FKTN: variants seen among roughly 807,000 people sequenced by gnomAD.
FKTN encodes fukutin.
In FKTN, 47 loss-of-function variants were observed where a neutral mutation model predicts 58.6. The ratio of observed to expected loss-of-function variants is 0.80; its 90% CI spans 0.63 to 1.02. FKTN has a LOEUF of 1.02. Among genes scored for constraint, FKTN ranks in the 50% least tolerant of loss-of-function variants. The pLI is 0.00. For synonymous variants in FKTN, 178 were observed against 191.9 expected (o/e 0.93, Z 0.60); for missense variants, 516 against 537.3 (o/e 0.96, Z 0.39).
At chr9:105,627,812 A>T (rs1200888413) in intron 10 of FKTN, among the ~76,000 whole-genome samples, 1 of 151,796 alleles carries the variant, frequency 6.6e-6, no homozygotes, top group African/African-American at 2.4e-5. Flanking sequence ...TGTCCTTTCT[A>T]TGTGATAGAT....
At chr9:105,567,823 C>T (rs1419228554) in intron 1 of FKTN, among the ~76,000 whole-genome samples, 5 of 152,136 alleles carry the variant, frequency 3.3e-5, no homozygotes, top group Admixed American at 6.6e-5. Flanking sequence ...AAAAAGAGCC[C>T]GCCTTGCCAA....
At position 105,639,725 on chromosome 9, in the gene FKTN, A is replaced by T. The variant is rs1834295282; in HGVS notation, c.*4461A>T. Reference sequence around the variant, plus strand: ...TACAATATATGGTTTGTGAATTCAGAGACATTACCAGTTTGCCTCCTTCTC... The same window carrying T: ...TACAATATATGGTTTGTGAATTCAGTGACATTACCAGTTTGCCTCCTTCTC... On this transcript the variant is annotated 3_prime_UTR_variant, in exon 11 of 11. Coordinates refer to ENST00000357998, the MANE Select transcript of FKTN (RefSeq NM_001079802.2). 1.0e-6 allele frequency: 1 copy of T among 965,462 alleles called. No individual in the cohort carries two copies. The highest frequency in any genetic ancestry group is 1.2e-6 in the Non-Finnish European group (1 of 800,862). The allele number at this position is 965,462 out of a possible 1,614,324, so 59.8% of individuals were successfully genotyped here.
chr9:105,603,512 A>G (rs1432023918), intron 5 of FKTN, among the ~76,000 whole-genome samples: 2 of 152,226 alleles, frequency 1.3e-5, no homozygotes, highest in African/African-American at 2.4e-5. Context: ...TTTTTGAAGT[A>G]CTTTTGAAGA....
At chr9:105,565,558 T>C (rs1839405638) in intron 1 of FKTN, among the ~76,000 whole-genome samples, 2 of 151,870 alleles carry the variant, frequency 1.3e-5, no homozygotes, top group Non-Finnish European at 2.9e-5. Context: ...AAGAAGGCCA[T>C]TACATAATGG....
Position 105,635,184 on chromosome 9 carries a change from T to C in FKTN, c.1306T>C (p.Trp436Arg). 1 of 1,614,232 alleles carries C rather than the reference T, an allele frequency of 6.2e-7. No individual in the cohort carries two copies. Among genetic ancestry groups the C allele is most frequent in the Non-Finnish European group, 8.5e-7 (1 of 1,180,030 alleles). ...GAAGATTCCTGTAAAGACGTGGGAC[T>C]GGAAGCGCTCTCCTCCCAATGTGCA... is the stretch of plus-strand genomic sequence containing the variant. The part of the protein sequence containing the change: ...TWKIPVKTWD[W>R]KRSPPNVQPN... Residue 436 changes from tryptophan (W) to arginine (R), a missense_variant, in exon 11 of 11, where the codon TGG becomes CGG. Physicochemically the swap from Trp to Arg is moderately radical, Grantham distance 101. Coordinates refer to ENST00000357998, the MANE Select transcript of FKTN (RefSeq NM_001079802.2).
In FKTN at chr9:105,606,481, T is replaced by C. The variant is rs79661382; in HGVS notation, c.648-1338T>C. Among the ~76,000 whole-genome samples the C allele has an allele frequency of 0.026, 3,875 of 151,900 alleles. 184 individuals are homozygous for C. The highest frequency in any genetic ancestry group is 0.089 in the African/African-American group (3,685 of 41,500). On this transcript the variant is annotated intron_variant, in intron 6 of 10. Coordinates refer to ENST00000357998, the MANE Select transcript of FKTN (RefSeq NM_001079802.2). The stretch of plus-strand genomic sequence containing the variant: ...TATGAAGTTTCTAACCTAGAATTGT[T>C]CCTTTTATTCTCCTTTTGAAATCAG...
chr9:105,570,671 T>G (rs1285249879), intron 1 of FKTN, among the ~76,000 whole-genome samples: 1 of 152,182 alleles, frequency 6.6e-6, no homozygotes, highest in Non-Finnish European at 1.5e-5. Context: ...ATCTTATTTG[T>G]CATTTTATCT....
chr9:105,627,906 A>G (rs1832928681), intron 10 of FKTN, among the ~76,000 whole-genome samples: 1 of 152,148 alleles, frequency 6.6e-6, no homozygotes, highest in African/African-American at 2.4e-5. Flanking sequence ...TGTAGTCTAC[A>G]CTGTTTTGTT....
At chr9:105,582,614 T>A (rs1480629320) in intron 3 of FKTN, among the ~76,000 whole-genome samples, 1 of 152,220 alleles carries the variant, frequency 6.6e-6, no homozygotes, top group East Asian at 1.9e-4. Flanking sequence ...GGCTATATAA[T>A]TTTAAAAATA....
intron 3 of FKTN, among the ~76,000 whole-genome samples, chr9:105,581,522 G>C (rs1233489028): frequency 6.6e-6 from 1 of 151,332 alleles, no homozygotes; most frequent in Admixed American, 6.6e-5. Flanking sequence ...CAGTCTGCCG[G>C]TTCTCAGATC....
intron 3 of FKTN, among the ~76,000 whole-genome samples, chr9:105,581,446 C>T (rs2132213168): frequency 6.7e-6 from 1 of 149,270 alleles, no homozygotes; most frequent in African/African-American, 2.5e-5. Context: ...TCAGTGTGCC[C>T]CTGCTGCGGG....
intron 3 of FKTN, among the ~76,000 whole-genome samples, chr9:105,582,422 C>T (rs1219969104): frequency 6.6e-6 from 1 of 152,154 alleles, no homozygotes; most frequent in Non-Finnish European, 1.5e-5. Context: ...TCTTGAACTC[C>T]TGGCCTCAGG....
chr9:105,607,650 A>C (rs1829144505), intron 6 of FKTN, among the ~76,000 whole-genome samples, 169 bp from the exon 7 acceptor site: 1 of 152,010 alleles, frequency 6.6e-6, no homozygotes, highest in Admixed American at 6.6e-5. Context: ...GGACACATGT[A>C]CTGAACGTGC....
chr9:105,616,222 ATAATCC>A (rs1830775347), intron 8 of FKTN, among the ~76,000 whole-genome samples: 1 of 152,258 alleles, frequency 6.6e-6, no homozygotes, highest in Non-Finnish European at 1.5e-5. Context: ...TGATTCTCAG[ATAATCC>A]TTAAATTAGC....
At chr9:105,581,584 G>T (rs548294238) in intron 3 of FKTN, among the ~76,000 whole-genome samples, 2 of 152,128 alleles carry the variant, frequency 1.3e-5, no homozygotes, top group East Asian at 3.9e-4. Flanking sequence ...GTCAGACAGG[G>T]ACATTGAAGT....
intron 10 of FKTN, among the ~76,000 whole-genome samples, chr9:105,627,983 T>C (rs1832940972): frequency 1.3e-5 from 2 of 152,168 alleles, no homozygotes; most frequent in South Asian, 4.1e-4. Context: ...ATTAAAACTA[T>C]AGAATTAAGT....
intron 3 of FKTN, among the ~76,000 whole-genome samples, chr9:105,578,633 T>G (rs571592459): frequency 6.6e-6 from 1 of 152,178 alleles, no homozygotes; most frequent in Non-Finnish European, 1.5e-5. Context: ...AAAATTCTCT[T>G]TTTTTGTTGA....
Position 105,638,554 on chromosome 9 carries a change from G to A in FKTN, c.*3290G>A, listed in dbSNP as rs570788217. The A allele has an allele frequency of 1.2e-4, 117 of 985,338 alleles. 1 individual carries two copies. In the South Asian group the frequency reaches 4.9e-3, roughly 42 times the overall value. The allele number at this position is 985,338 out of a possible 1,614,324, so 61.0% of individuals were successfully genotyped here. On this transcript the variant is annotated 3_prime_UTR_variant, in exon 11 of 11. Coordinates refer to ENST00000357998, the MANE Select transcript of FKTN (RefSeq NM_001079802.2). ...ACCAACCTGCTAAATGCCTGTATTTGAAGTCTCTCCCCTTCCTGAAGTGAC... is the reference window on the plus strand; with the variant it reads ...ACCAACCTGCTAAATGCCTGTATTTAAAGTCTCTCCCCTTCCTGAAGTGAC...
At chr9:105,568,453 A>G (rs1840105290) in intron 1 of FKTN, among the ~76,000 whole-genome samples, 1 of 152,232 alleles carries the variant, frequency 6.6e-6, no homozygotes, top group Non-Finnish European at 1.5e-5. Context: ...CAAGAAAAAA[A>G]CAACCCCATC....
Sources: gnomAD v4.1 joint callset for allele counts (sites outside exome capture counted in the v4.1 genomes callset) on GRCh38, gnomAD v4.1.1 for gene constraint, MANE v1.5 for transcripts, NCBI Gene and HGNC (gene_info 2026-07-23, HGNC 2026-07-21) for gene names.